The following SYNE2 variants were observed in gnomAD, a reference collection of about 807,000 sequenced individuals.
SYNE2 encodes spectrin repeat containing nuclear envelope protein 2, also known as nesprin-2.
Under a neutral mutation model 856.3 loss-of-function variants are expected in SYNE2, and 431 were observed. That is an observed-to-expected ratio of 0.50 (90% confidence interval 0.47 to 0.55). The LOEUF (loss-of-function observed/expected upper bound fraction) is 0.55. Among genes scored for constraint, SYNE2 ranks in the 20% least tolerant of loss-of-function variants. SYNE2 has a pLI of 0.00. For missense variants in SYNE2, 8,129 were observed against 8,023.2 expected, an observed-to-expected ratio of 1.01 and a Z score of -0.50; for synonymous variants, 2,923 against 2,872.3, an observed-to-expected ratio of 1.02 and a Z score of -0.56.
chr14:63,993,999 C>T (rs576184617), intron 22 of SYNE2, 30 bp downstream of exon 22: 10 of 1,610,460 alleles, frequency 6.2e-6, no homozygotes, highest in South Asian at 1.1e-5. Context: ...TCTGAACTTA[C>T]GTTTTTATAT....
chr14:63,785,960 T>C (rs567837008), intron 1 of SYNE2, among the ~76,000 whole-genome samples: 1 of 151,954 alleles, frequency 6.6e-6, no homozygotes, highest in Admixed American at 6.6e-5. Flanking sequence ...ATTTAAAAAT[T>C]AGCTGGGCAG....
chr14:63,819,500 G>A (rs1004928710), intron 1 of SYNE2, among the ~76,000 whole-genome samples: 1 of 151,694 alleles, frequency 6.6e-6, no homozygotes, highest in Non-Finnish European at 1.5e-5. Context: ...CAAAGTGCTG[G>A]GATTACAGAT....
chr14:63,815,567 GTAACACCCTCAT>G, intron 1 of SYNE2, among the ~76,000 whole-genome samples: 1 of 151,982 alleles, frequency 6.6e-6, no homozygotes, highest in South Asian at 2.1e-4. Context: ...ATCTCCTTTG[GTAACACCCTCAT>G]AGACACACCC....
At chr14:64,013,612 A>G (rs917518199) in intron 32 of SYNE2, among the ~76,000 whole-genome samples, 8 of 152,142 alleles carry the variant, frequency 5.3e-5, no homozygotes, top group Admixed American at 4.6e-4. Context: ...TCTTAGGATA[A>G]TGGCTTCTAG....
At chr14:63,861,664 A>G (rs749703051) in intron 1 of SYNE2, among the ~76,000 whole-genome samples, 3 of 151,798 alleles carry the variant, frequency 2.0e-5, no homozygotes, top group Non-Finnish European at 4.4e-5. Context: ...GTGCATGTCT[A>G]TAGTCCCAGG....
chr14:63,769,710 C>T (rs1886829930), intron 1 of SYNE2, among the ~76,000 whole-genome samples: 1 of 103,376 alleles, frequency 9.7e-6, no homozygotes, highest in South Asian at 3.7e-4. Context: ...AAGGTGAAAC[C>T]CTGTCTCTAA....
chr14:63,908,560 A>G (rs554478856), intron 1 of SYNE2, among the ~76,000 whole-genome samples: 29 of 152,354 alleles, frequency 1.9e-4, no homozygotes, highest in Non-Finnish European at 4.0e-4. Flanking sequence ...AAATAATTCA[A>G]TATATTAGAT....
Position 64,098,688 on chromosome 14 carries a change from G to A in SYNE2, c.12307-59G>A, listed in dbSNP as rs1595503060. 1.9e-6 allele frequency: 3 copies of A among 1,566,654 alleles called. No homozygotes were observed. The African/African-American group carries it at 4.0e-5, about 21-fold the overall frequency. On this transcript the variant is annotated intron_variant, in intron 62 of 115. Transcript: ENST00000555002. ...CTACATAAAAATGCAGCTGGACTGG[G>A]ATCTTGGTGATGTTGACTGGCAAGC...
intron 49 of SYNE2, among the ~76,000 whole-genome samples, chr14:64,062,251 G>C (rs953561775): frequency 3.9e-5 from 6 of 152,088 alleles, no homozygotes; most frequent in Non-Finnish European, 8.8e-5. Flanking sequence ...ACCTTTGTTA[G>C]ATAAGGGTAT....
chr14:64,070,720 A>G lies in SYNE2; in HGVS notation c.10507A>G (p.Thr3503Ala), dbSNP rs777785223. The change falls in exon 52 of 116, where the codon ACC becomes GCC. Residue 3503 changes from threonine (T) to alanine (A), a missense_variant. Coordinates refer to ENST00000555002, the MANE Select transcript of SYNE2 (RefSeq NM_182914.3). ...AATTTCCAAAACAAAAGAGGCAGCC[A>G]CCACAGAGGAACTCTCTGAGCTGCT... is the stretch of plus-strand genomic sequence containing the variant. ...PEISKTKEAA[T>A]TEELSELLDC... The G allele has an allele frequency of 5.0e-6, 8 of 1,614,014 alleles. No individual in the cohort carries two copies. In the African/African-American group the frequency reaches 1.1e-4, roughly 22 times the overall value.
rs752738016 is a variant in SYNE2 at position 64,090,870 on chromosome 14, T to C, written c.11798T>C (p.Ile3933Thr). The change falls in exon 60 of 116, where the codon ATA becomes ACA. Residue 3933 changes from isoleucine to threonine, a missense_variant. By Grantham distance (89) the Ile-to-Thr change is moderately conservative. This residue lies in a region of SYNE2 where 5,410 missense variants were observed against 5,284.8 expected (regional missense o/e 1.02). Transcript: ENST00000555002. Reference protein sequence around the residue: ...PEEHLKHGEVILENIRPMKKT... With the variant: ...PEEHLKHGEVTLENIRPMKKT... ...TGCTCCTCTTATATAATTAAGGTCA[T>C]ACTTGAAAATATACGTCCCATGAAG... 1.9e-6 allele frequency: 3 copies of C among 1,613,932 alleles called. No individual in the cohort carries two copies. The highest frequency in any genetic ancestry group is 2.5e-6 in the Non-Finnish European group (3 of 1,179,824).
intron 6 of SYNE2, among the ~76,000 whole-genome samples, chr14:63,947,062 C>T (rs1385574297): frequency 4.6e-5 from 7 of 152,136 alleles, no homozygotes; most frequent in African/African-American, 1.7e-4. Flanking sequence ...GTTGGTCAGG[C>T]TGGTCTTGAA....
chr14:63,889,317 T>A (rs936630970), intron 1 of SYNE2, among the ~76,000 whole-genome samples: 3 of 152,186 alleles, frequency 2.0e-5, no homozygotes, highest in Admixed American at 2.0e-4. Context: ...TTACAGTATT[T>A]TTAAAAATCC....
At chr14:63,900,458 C>T (rs1301281783) in intron 1 of SYNE2, among the ~76,000 whole-genome samples, 1 of 152,064 alleles carries the variant, frequency 6.6e-6, no homozygotes, top group Non-Finnish European at 1.5e-5. Flanking sequence ...AGGAAAACTC[C>T]CCCAATAGTA....
At chr14:64,120,463 G>C (rs1466209701) in intron 67 of SYNE2, among the ~76,000 whole-genome samples, 1 of 152,184 alleles carries the variant, frequency 6.6e-6, no homozygotes, top group Non-Finnish European at 1.5e-5. Context: ...TTATGAAATA[G>C]GTACATTAAA....
chr14:63,803,506 G>A (rs943593769), intron 1 of SYNE2, among the ~76,000 whole-genome samples: 1 of 152,204 alleles, frequency 6.6e-6, no homozygotes, highest in Non-Finnish European at 1.5e-5. Flanking sequence ...CCACTGGTCC[G>A]GGTGCTAAGT....
Position 64,132,256 on chromosome 14 carries a change from A to G in SYNE2, c.14341-9A>G, listed in dbSNP as rs2098030011. The G allele has an allele frequency of 2.5e-6, 4 of 1,612,692 alleles. No homozygotes were observed. Among genetic ancestry groups the G allele is most frequent in the African/African-American group, 1.3e-5 (1 of 74,888 alleles). ...CAAAGTAAATATTAAAACTTTCTCC[A>G]TCTCATAGGTTTTTTTCCAGAAGCT... On this transcript the variant is annotated splice_polypyrimidine_tract_variant and intron_variant, in intron 76 of 115. Coordinates refer to ENST00000555002, the MANE Select transcript of SYNE2 (RefSeq NM_182914.3).
intron 1 of SYNE2, among the ~76,000 whole-genome samples, chr14:63,834,726 C>T (rs1334873806): frequency 6.6e-6 from 1 of 151,338 alleles, no homozygotes; most frequent in Non-Finnish European, 1.5e-5. Context: ...CTGCAAACTC[C>T]ACCTCCTGGG....
intron 66 of SYNE2, among the ~76,000 whole-genome samples, chr14:64,119,087 G>T (rs1209136367): frequency 6.6e-6 from 1 of 152,124 alleles, no homozygotes; most frequent in Non-Finnish European, 1.5e-5. Flanking sequence ...TAAGTGGTAG[G>T]ACTGGGATCT....
Sources: gnomAD v4.1 joint callset for allele counts (sites outside exome capture counted in the v4.1 genomes callset) on GRCh38, gnomAD v4.1.1 for gene constraint, gnomAD v4.1.1 regional missense constraint, MANE v1.5 for transcripts, NCBI Gene and HGNC (gene_info 2026-07-23, HGNC 2026-07-21) for gene names.